The following LDLRAD4 variants were observed in gnomAD, a reference collection of about 807,000 sequenced individuals.
LDLRAD4 encodes the protein low density lipoprotein receptor class A domain containing 4, also known as low-density lipoprotein receptor class A domain-containing protein 4.
LDLRAD4 carries 5 observed loss-of-function variants against 17.0 expected under a neutral mutation model. The ratio of observed to expected loss-of-function variants is 0.29; its 90% CI spans 0.15 to 0.62. LDLRAD4 has a LOEUF of 0.62. Among genes scored for constraint, LDLRAD4 ranks in the 20% least tolerant of loss-of-function variants. The pLI is 0.84. For missense variants in LDLRAD4, 340 were observed against 424.7 expected (o/e 0.80, Z 1.75); for synonymous variants, 168 against 171.8 (o/e 0.98, Z 0.17).
intron 3 of LDLRAD4, among the ~76,000 whole-genome samples, chr18:13,554,645 T>A (rs1203650970): frequency 6.6e-6 from 1 of 152,216 alleles, no homozygotes; most frequent in Non-Finnish European, 1.5e-5. Flanking sequence ...TATTGCCCTT[T>A]AATAATATTT....
chr18:13,341,798 T>C (rs192616768), intron 1 of LDLRAD4, among the ~76,000 whole-genome samples: 2 of 152,332 alleles, frequency 1.3e-5, no homozygotes, highest in Admixed American at 6.5e-5. Context: ...GTGGACTTTC[T>C]TGTCTTATTC....
chr18:13,286,085 A>G (rs907232752), intron 1 of LDLRAD4, among the ~76,000 whole-genome samples: 2 of 152,214 alleles, frequency 1.3e-5, no homozygotes, highest in Non-Finnish European at 2.9e-5. Flanking sequence ...ATTAAACATT[A>G]ACTCTGCATT....
intron 3 of LDLRAD4, among the ~76,000 whole-genome samples, chr18:13,465,659 T>C (rs1301058774): frequency 6.6e-6 from 1 of 152,252 alleles, no homozygotes; most frequent in Non-Finnish European, 1.5e-5. Context: ...ATCAGGGTTG[T>C]ATCTGTTGGT....
chr18:13,594,397 A>T (rs1295345561), intron 3 of LDLRAD4, among the ~76,000 whole-genome samples: 1 of 152,162 alleles, frequency 6.6e-6, no homozygotes, highest in Non-Finnish European at 1.5e-5. Flanking sequence ...TAATGCTGAA[A>T]TACTAGTGAG....
At chr18:13,327,577 G>A (rs925913065) in intron 1 of LDLRAD4, among the ~76,000 whole-genome samples, 6 of 152,044 alleles carry the variant, frequency 3.9e-5, no homozygotes, top group Non-Finnish European at 4.4e-5. Context: ...TATGGTGCGT[G>A]TATTTTTTTT....
chr18:13,280,699 C>G (rs1200611803), intron 1 of LDLRAD4, among the ~76,000 whole-genome samples: 2 of 152,232 alleles, frequency 1.3e-5, no homozygotes, highest in South Asian at 2.1e-4. Context: ...AGACTGAGAT[C>G]TGGCTGGCTG....
At chr18:13,558,406 A>C (rs1312990412) in intron 3 of LDLRAD4, among the ~76,000 whole-genome samples, 1 of 152,260 alleles carries the variant, frequency 6.6e-6, no homozygotes, top group Non-Finnish European at 1.5e-5. Flanking sequence ...CAGGTTGCCC[A>C]GGCCACGTGG....
chr18:13,310,142 T>G, intron 1 of LDLRAD4, among the ~76,000 whole-genome samples: 1 of 146,978 alleles, frequency 6.8e-6, no homozygotes, highest in Admixed American at 6.9e-5. Context: ...GCTAGGAGCT[T>G]GAGGTCAGCC....
chr18:13,293,833 T>C (rs2146452112), intron 1 of LDLRAD4, among the ~76,000 whole-genome samples: 1 of 152,336 alleles, frequency 6.6e-6, no homozygotes, highest in East Asian at 1.9e-4. Context: ...CTTTTAAACT[T>C]TCTAAAAATG....
chr18:13,387,664 G>A (rs902632245), exon 2 of LDLRAD4: 72 of 1,529,560 alleles, frequency 4.7e-5, no homozygotes, highest in Non-Finnish European at 6.3e-5. Context: ...AGCCTCGCCC[G>A]GCGGCTTCCT....
chr18:13,327,590 T>A (rs1568012060), intron 1 of LDLRAD4, among the ~76,000 whole-genome samples: 1 of 152,042 alleles, frequency 6.6e-6, no homozygotes, highest in African/African-American at 2.4e-5. Context: ...TTTTTTTTTT[T>A]AATTAAGGAT....
intron 3 of LDLRAD4, among the ~76,000 whole-genome samples, chr18:13,513,896 A>G (rs761177956): frequency 1.3e-5 from 2 of 152,222 alleles, no homozygotes; most frequent in Admixed American, 6.5e-5. Context: ...ATTCAGATAG[A>G]CATCCTGAGA....
chr18:13,281,542 G>T (rs1214324640), intron 1 of LDLRAD4, among the ~76,000 whole-genome samples: 1 of 152,222 alleles, frequency 6.6e-6, no homozygotes, highest in African/African-American at 2.4e-5. Context: ...CCTGCAGGGG[G>T]TGCCCCGAGG....
At chr18:13,528,835 CA>C (rs1025978211) in intron 3 of LDLRAD4, among the ~76,000 whole-genome samples, 10 of 152,186 alleles carry the variant, frequency 6.6e-5, no homozygotes, top group African/African-American at 2.2e-4. Context: ...ACATGACTCC[CA>C]GGGGGTTCCA....
intron 1 of LDLRAD4, among the ~76,000 whole-genome samples, chr18:13,246,142 A>G (rs1299932184): frequency 6.6e-6 from 1 of 152,262 alleles, no homozygotes; most frequent in African/African-American, 2.4e-5. Context: ...TGTGCGAACA[A>G]CGATAAATTC....
At chr18:13,283,643 T>C (rs1363358572) in intron 1 of LDLRAD4, among the ~76,000 whole-genome samples, 1 of 152,234 alleles carries the variant, frequency 6.6e-6, no homozygotes, top group Non-Finnish European at 1.5e-5. Context: ...TTTCAAACTT[T>C]CCCACATTTT....
chr18:13,612,521 A>T (rs2039670109), intron 3 of LDLRAD4: 1 of 1,422,170 alleles, frequency 7.0e-7, no homozygotes. Context: ...GTAGAGAGAG[A>T]GTGAACGAGG....
At chr18:13,476,156 A>T (rs1409828831) in intron 3 of LDLRAD4, among the ~76,000 whole-genome samples, 2 of 152,188 alleles carry the variant, frequency 1.3e-5, no homozygotes, top group Non-Finnish European at 2.9e-5. Flanking sequence ...TGGCTTCCTT[A>T]TGGAAGGGGC....
At chr18:13,276,880 G>C (rs1368870644), upstream of LDLRAD4, among the ~76,000 whole-genome samples, 1 of 152,200 alleles carries the variant, frequency 6.6e-6, no homozygotes, top group African/African-American at 2.4e-5. Flanking sequence ...GCCCACCACA[G>C]TACCTTTCTG....
Sources: allele counts gnomAD v4.1 joint callset (sites outside exome capture counted in the v4.1 genomes callset), GRCh38; gene constraint gnomAD v4.1.1; transcripts MANE v1.5; gene names NCBI Gene and HGNC (gene_info 2026-07-23, HGNC 2026-07-21).